The following CHD9 variants were observed in gnomAD, a reference collection of about 807,000 sequenced individuals.
CHD9 encodes the protein ATP-dependent chromatin remodeler CHD9.
A neutral mutation model predicts 316.1 loss-of-function variants in CHD9; 77 were observed. That is an observed-to-expected ratio of 0.24 (90% CI 0.20 to 0.29). The LOEUF (loss-of-function observed/expected upper bound fraction) is 0.29. Among genes scored for constraint, CHD9 ranks in the 10% least tolerant of loss-of-function variants. The probability of loss-of-function intolerance (pLI) is 1.00; values close to 1 mark genes in which losing one functional copy is unlikely to be tolerated. For synonymous variants in CHD9, 1,129 were observed against 1,158.3 expected, an observed-to-expected ratio of 0.97 and a Z score of 0.51; for missense variants, 2,763 against 3,438.1, an observed-to-expected ratio of 0.80 and a Z score of 4.91.
intron 2 of CHD9, among the ~76,000 whole-genome samples, chr16:53,179,101 C>T (rs538923216): frequency 2.6e-5 from 4 of 152,108 alleles, no homozygotes; most frequent in East Asian, 1.9e-4. Context: ...AAGATTTTGC[C>T]GTATTTGCTT....
intron 3 of CHD9, among the ~76,000 whole-genome samples, chr16:53,214,573 A>C (rs2152885390): frequency 6.6e-6 from 1 of 152,256 alleles, no homozygotes; most frequent in South Asian, 2.1e-4. Context: ...TGTTTTGCTG[A>C]TTTTACTGCT....
chr16:53,156,209 T>C lies in CHD9; in HGVS notation c.120T>C (p.Asn40=). 6.2e-7 allele frequency: 1 copy of C among 1,614,020 alleles called. No individual in the cohort carries two copies. Among genetic ancestry groups the C allele is most frequent in the Non-Finnish European group, 8.5e-7 (1 of 1,179,890 alleles). Residue 40 remains asparagine (N), a synonymous_variant, in exon 2 of 39, where the codon AAT becomes AAC. Coordinates refer to ENST00000447540, the MANE Select transcript of CHD9 (RefSeq NM_001308319.2). ...CTGTTTCACTAGTTGATGAATTGAA[T>C]TTGGGTGCAGAATTTGAACCGTTGC... ...PGPVSLVDEL[N]LGAEFEPLHI...
At chr16:53,307,181 C>T (rs1025796694) in intron 32 of CHD9, among the ~76,000 whole-genome samples, 3 of 152,066 alleles carry the variant, frequency 2.0e-5, no homozygotes, top group Non-Finnish European at 2.9e-5. Context: ...CTTCTGTGTA[C>T]GTCTAAGTTG....
intron 38 of CHD9, among the ~76,000 whole-genome samples, chr16:53,322,532 C>T (rs1043305285): frequency 3.3e-5 from 5 of 150,586 alleles, no homozygotes; most frequent in African/African-American, 1.2e-4. Flanking sequence ...GCAGAGGTTG[C>T]AGTGAGCCAA....
intron 2 of CHD9, among the ~76,000 whole-genome samples, chr16:53,194,731 T>G (rs1220629281): frequency 6.6e-6 from 1 of 152,150 alleles, no homozygotes; most frequent in Non-Finnish European, 1.5e-5. Flanking sequence ...TTTTGAAAAA[T>G]TGTCTTTCTT....
At chr16:53,078,790 A>T (rs1418480599) in intron 1 of CHD9, among the ~76,000 whole-genome samples, 1 of 152,118 alleles carries the variant, frequency 6.6e-6, no homozygotes, top group Non-Finnish European at 1.5e-5. Flanking sequence ...AGCAGATTTG[A>T]GGAGAAGTCT....
intron 1 of CHD9, among the ~76,000 whole-genome samples, chr16:53,143,347 A>T (rs1367400895): frequency 1.4e-5 from 2 of 144,274 alleles, no homozygotes; most frequent in Admixed American, 7.1e-5. Context: ...ATTTATTTTT[A>T]TTTTATCTTA....
intron 2 of CHD9, among the ~76,000 whole-genome samples, chr16:53,189,347 C>T (rs774262079): frequency 6.6e-6 from 1 of 151,770 alleles, no homozygotes; most frequent in Admixed American, 6.6e-5. Context: ...CTTTTTATTC[C>T]TAGTTTGTTT....
At chr16:53,207,774 A>G (rs929131877) in intron 2 of CHD9, among the ~76,000 whole-genome samples, 2 of 151,760 alleles carry the variant, frequency 1.3e-5, no homozygotes, top group Admixed American at 1.3e-4. Flanking sequence ...ACCACAGTTT[A>G]GTTCTCAGGT....
intron 17 of CHD9, among the ~76,000 whole-genome samples, chr16:53,253,201 G>A (rs1050245390): frequency 3.4e-5 from 5 of 147,768 alleles, no homozygotes; most frequent in South Asian, 2.2e-4. Flanking sequence ...GTATATGTGC[G>A]TGTGTGGTGT....
intron 1 of CHD9, among the ~76,000 whole-genome samples, chr16:53,136,960 G>A (rs73599535): frequency 0.032 from 4,920 of 151,830 alleles, 99 homozygotes; most frequent in Middle Eastern, 0.068. Context: ...CATTATTTTT[G>A]TGAGACTAAT....
At position 53,231,415 on chromosome 16, in the gene CHD9, T is replaced by C; in HGVS notation, c.2287-4T>C. Reference sequence around the variant, plus strand: ...ATGTCAATTAAGTTACCTTTTAATTTTAGATGGAAGAAGAACCATTTAACC... The same window carrying C: ...ATGTCAATTAAGTTACCTTTTAATTCTAGATGGAAGAAGAACCATTTAACC... On this transcript the variant is annotated splice_region_variant and splice_polypyrimidine_tract_variant and intron_variant, in intron 8 of 38. Transcript: ENST00000447540. The C allele has an allele frequency of 1.9e-6, 3 of 1,542,556 alleles. No homozygotes were observed. The highest frequency in any genetic ancestry group is 2.7e-6 in the Non-Finnish European group (3 of 1,125,362).
chr16:53,160,972 C>T (rs146118990), intron 2 of CHD9, among the ~76,000 whole-genome samples: 1 of 152,200 alleles, frequency 6.6e-6, no homozygotes, highest in Non-Finnish European at 1.5e-5. Flanking sequence ...GTAATCCCAA[C>T]ACTTTGAGAG....
intron 3 of CHD9, among the ~76,000 whole-genome samples, chr16:53,221,594 CA>C (rs1207059623): frequency 2.6e-5 from 4 of 151,746 alleles, no homozygotes; most frequent in East Asian, 1.9e-4. Context: ...CTCATCAAGA[CA>C]AAAAAACCCA....
chr16:53,294,249 G>A (rs1046385863), intron 29 of CHD9, among the ~76,000 whole-genome samples: 1 of 152,094 alleles, frequency 6.6e-6, no homozygotes, highest in African/African-American at 2.4e-5. Context: ...TTGTTACCCG[G>A]GTCCTTGGAT....
intron 1 of CHD9, among the ~76,000 whole-genome samples, chr16:53,140,318 TG>T (rs1274657288): frequency 2.0e-5 from 3 of 150,052 alleles, no homozygotes; most frequent in African/African-American, 7.4e-5. Context: ...ATTAGCCAGA[TG>T]TGGTGGCACG....
At chr16:53,161,306 T>C (rs973037322) in intron 2 of CHD9, among the ~76,000 whole-genome samples, 1 of 152,232 alleles carries the variant, frequency 6.6e-6, no homozygotes, top group Admixed American at 6.5e-5. Flanking sequence ...TGATTTAATA[T>C]GTGGAATTCA....
intron 1 of CHD9, among the ~76,000 whole-genome samples, chr16:53,123,839 C>T (rs2038855847): frequency 1.3e-5 from 2 of 152,144 alleles, no homozygotes; most frequent in Non-Finnish European, 2.9e-5. Context: ...TGTAATAATT[C>T]TGTCTTCTGA....
In CHD9 at chr16:53,307,859, G is replaced by T. The variant is rs759645632; in HGVS notation, c.6959G>T (p.Gly2320Val). 1 of 1,613,840 alleles carries T rather than the reference G, an allele frequency of 6.2e-7. No homozygotes were observed. Among genetic ancestry groups the T allele is most frequent in the African/African-American group, 1.3e-5 (1 of 75,054 alleles). Residue 2320 changes from glycine (G) to valine (V), a missense_variant, in exon 33 of 39, where the codon GGT becomes GTT. Physicochemically the swap from Gly to Val is moderately radical, Grantham distance 109. Coordinates refer to ENST00000447540, the MANE Select transcript of CHD9 (RefSeq NM_001308319.2). ...GATCCCAGTGTACCCACTCCCCCAG[G>T]TGCCGGTGTTAAAGAAGAACATGAT... Reference protein sequence around the residue: ...YSDPSVPTPPGAGVKEEHDQS... With the variant: ...YSDPSVPTPPVAGVKEEHDQS...
Sources: gnomAD v4.1 joint callset for allele counts (sites outside exome capture counted in the v4.1 genomes callset) on GRCh38, gnomAD v4.1.1 for gene constraint, MANE v1.5 for transcripts, NCBI Gene and HGNC (gene_info 2026-07-23, HGNC 2026-07-21) for gene names.